Variants in MCF2L2 observed in about 807,000 individuals in gnomAD.
MCF2L2 encodes the protein probable guanine nucleotide exchange factor MCF2L2.
In MCF2L2, 102 loss-of-function variants were observed where a neutral mutation model predicts 150.2. That is an observed-to-expected ratio of 0.68 (90% confidence interval 0.58 to 0.80). The LOEUF is 0.80. Ranked by LOEUF, MCF2L2 falls within the 30% of genes least tolerant of loss-of-function variation. MCF2L2 has a pLI of 0.00. For missense variants in MCF2L2, 1,256 were observed against 1,372.8 expected (o/e 0.91, Z 1.34); for synonymous variants, 465 against 491.3 (o/e 0.95, Z 0.71).
intron 4 of MCF2L2, among the ~76,000 whole-genome samples, chr3:183,339,956 C>T (rs994276249): frequency 5.9e-5 from 9 of 152,120 alleles, no homozygotes; most frequent in South Asian, 2.1e-4. Context: ...TAGGCTCAGA[C>T]ATTAGATTAC....
chr3:183,313,765 G>A (rs944212534), intron 7 of MCF2L2, among the ~76,000 whole-genome samples: 6 of 152,132 alleles, frequency 3.9e-5, no homozygotes, highest in South Asian at 2.1e-4. Flanking sequence ...GCTCCCTTTC[G>A]GAGAGTCTCC....
intron 25 of MCF2L2, among the ~76,000 whole-genome samples, chr3:183,202,342 GT>G (rs1277190275): frequency 6.6e-6 from 1 of 152,178 alleles, no homozygotes; most frequent in African/African-American, 2.4e-5. Flanking sequence ...TAATCAGAAG[GT>G]TTAAAATGAA....
At chr3:183,261,021 T>C (rs2108417197) in intron 15 of MCF2L2, among the ~76,000 whole-genome samples, 1 of 152,336 alleles carries the variant, frequency 6.6e-6, no homozygotes. Flanking sequence ...AGAGGTCTTA[T>C]ATTGGAAATG....
In MCF2L2 at chr3:183,200,088, G is replaced by A. The variant is rs985097211; in HGVS notation, c.2885-4833C>T. Among the ~76,000 whole-genome samples the A allele has an allele frequency of 9.9e-5, 15 of 152,234 alleles. 1 individual carries two copies. In the South Asian group the frequency reaches 1.2e-3, roughly 13 times the overall value. ...GTGAATAGTGCTGCAATAAACATACGTGTGCATGTATCTTTATAGCAGCAT... is the reference window on the plus strand; with the variant it reads ...GTGAATAGTGCTGCAATAAACATACATGTGCATGTATCTTTATAGCAGCAT... On this transcript the variant is annotated intron_variant, in intron 25 of 29. Transcript: ENST00000328913.
At chr3:183,186,256 T>A (rs1721688705) in intron 27 of MCF2L2, among the ~76,000 whole-genome samples, 1 of 152,120 alleles carries the variant, frequency 6.6e-6, no homozygotes, top group South Asian at 2.1e-4. Flanking sequence ...TTAAAAAAAA[T>A]CATGCATATC....
chr3:183,370,364 T>G (rs559121691), intron 3 of MCF2L2, among the ~76,000 whole-genome samples: 1 of 152,206 alleles, frequency 6.6e-6, no homozygotes, highest in Non-Finnish European at 1.5e-5. Context: ...AATGCCCGGG[T>G]GGGGCATCGG....
chr3:183,395,312 T>C (rs1409723273), intron 1 of MCF2L2, among the ~76,000 whole-genome samples: 1 of 151,874 alleles, frequency 6.6e-6, no homozygotes, highest in African/African-American at 2.4e-5. Context: ...GACACAAAAA[T>C]CCTACAAGTG....
intron 15 of MCF2L2, among the ~76,000 whole-genome samples, chr3:183,249,005 C>T (rs1280098030): frequency 6.6e-6 from 1 of 152,146 alleles, no homozygotes; most frequent in East Asian, 1.9e-4. Flanking sequence ...TAATTGTCTT[C>T]CTTCCCCCTG....
intron 21 of MCF2L2, among the ~76,000 whole-genome samples, chr3:183,217,447 G>A (rs1382088011): frequency 3.3e-5 from 5 of 151,878 alleles, no homozygotes; most frequent in Non-Finnish European, 7.4e-5. Flanking sequence ...ACTCCAGCCT[G>A]GGCAACAAAG....
intron 3 of MCF2L2, among the ~76,000 whole-genome samples, chr3:183,366,435 A>G (rs1461288431): frequency 6.6e-6 from 1 of 152,198 alleles, no homozygotes; most frequent in Admixed American, 6.5e-5. Flanking sequence ...ACCTGAGATC[A>G]GAAGTTCAAG....
At chr3:183,234,613 T>A (rs893872160) in intron 15 of MCF2L2, among the ~76,000 whole-genome samples, 13 of 152,048 alleles carry the variant, frequency 8.5e-5, no homozygotes, top group African/African-American at 2.9e-4. Flanking sequence ...ACATCAGTGT[T>A]AGGCCATTGC....
At chr3:183,395,688 G>C (rs908906003) in intron 1 of MCF2L2, among the ~76,000 whole-genome samples, 1 of 152,146 alleles carries the variant, frequency 6.6e-6, no homozygotes, top group African/African-American at 2.4e-5. Context: ...GGAGGCCGAA[G>C]TGGGAGGATC....
In MCF2L2 at chr3:183,179,535, G is replaced by C. The variant is rs201654449; in HGVS notation, c.3222-32C>G. On this transcript the variant is annotated intron_variant, in intron 29 of 29. Transcript: ENST00000328913. The surrounding 1 kb of genome is among the most constrained non-coding windows in gnomAD (Gnocchi z 4.2). ...TTCCGAGAAGAAAGTCAGAGACGCC[G>C]TGGCCCAAAGAGGCGCTTAGTCTTT... The C allele has an allele frequency of 6.2e-7, 1 of 1,611,806 alleles. No individual in the cohort carries two copies. The highest frequency in any genetic ancestry group is 8.5e-7 in the Non-Finnish European group (1 of 1,178,504).
At chr3:183,243,698 T>G (rs1201901695) in intron 15 of MCF2L2, among the ~76,000 whole-genome samples, 4 of 152,202 alleles carry the variant, frequency 2.6e-5, no homozygotes, top group East Asian at 1.9e-4. Flanking sequence ...TTGCCTCTCA[T>G]GAGTGGTGAA....
intron 12 of MCF2L2, 140 bp downstream of exon 12, chr3:183,296,836 C>T (rs1728531863): frequency 1.2e-6 from 1 of 868,384 alleles, no homozygotes; most frequent in Non-Finnish European, 1.7e-6. Context: ...TAAGAGGCCG[C>T]CGGAGGGCTT....
Position 183,300,725 on chromosome 3 carries a change from T to C in MCF2L2, c.1114-529A>G, listed in dbSNP as rs549554405. Among the ~76,000 whole-genome samples the C allele has an allele frequency of 3.9e-5, 6 of 152,180 alleles. No homozygotes were observed. The East Asian group carries it at 9.7e-4, about 25-fold the overall frequency. On this transcript the variant is annotated intron_variant, in intron 10 of 29. Coordinates refer to ENST00000328913, the MANE Select transcript of MCF2L2 (RefSeq NM_015078.4). Reference sequence around the variant, plus strand: ...AGGTGGTCATGACACTTAAGAAATATGCTTGTCTAGGCTGGGCGTGGTGGC... The same window carrying C: ...AGGTGGTCATGACACTTAAGAAATACGCTTGTCTAGGCTGGGCGTGGTGGC...
At chr3:183,205,718 T>C (rs560134310) in intron 25 of MCF2L2, among the ~76,000 whole-genome samples, 158 bp downstream of exon 25, 2 of 152,118 alleles carry the variant, frequency 1.3e-5, no homozygotes, top group East Asian at 3.9e-4. Flanking sequence ...TCCACCACAG[T>C]GGAAATCAAG....
At chr3:183,228,482 C>T in intron 17 of MCF2L2, 116 bp from the exon 18 acceptor site, 2 of 619,980 alleles carry the variant, frequency 3.2e-6, no homozygotes, top group South Asian at 2.1e-5. Flanking sequence ...GTTCTCCAGG[C>T]CTTCTTGCTC....
At chr3:183,330,470 G>A (rs1366668410) in intron 5 of MCF2L2, among the ~76,000 whole-genome samples, 4 of 152,196 alleles carry the variant, frequency 2.6e-5, no homozygotes, top group Middle Eastern at 6.8e-3. Flanking sequence ...AGGATGGAGA[G>A]CAGATCAGTG....
Sources: allele counts gnomAD v4.1 joint callset (sites outside exome capture counted in the v4.1 genomes callset), GRCh38; gene constraint gnomAD v4.1.1; non-coding constraint Gnocchi (gnomAD v3.1); transcripts MANE v1.5; gene names NCBI Gene and HGNC (gene_info 2026-07-23, HGNC 2026-07-21).